Variants in NPFFR1 observed in about 807,000 individuals in gnomAD.
NPFFR1 encodes the protein G-protein coupled receptor 147.
A neutral mutation model predicts 12.7 loss-of-function variants in NPFFR1; 17 were observed. The ratio of observed to expected loss-of-function variants is 1.34; its 90% CI spans 0.92 to 2.01. The LOEUF is 2.01. Ranked by LOEUF, NPFFR1 falls within the 30% of genes most tolerant of loss-of-function variation. The pLI is 0.00. For missense variants in NPFFR1, 604 were observed against 606.5 expected, an observed-to-expected ratio of 1.00 and a Z score of 0.04; for synonymous variants, 296 against 264.5, an observed-to-expected ratio of 1.12 and a Z score of -1.16.
Position 70,272,241 on chromosome 10 carries a change from AAAG to A in NPFFR1, c.8-5853_8-5851del, listed in dbSNP as rs772694554. Among the ~76,000 whole-genome samples the A allele has an allele frequency of 4.1e-4, 57 of 139,704 alleles. 2 individuals are homozygous for A. Among genetic ancestry groups the A allele is most frequent in the East Asian group, 2.3e-3 (11 of 4,686 alleles). The allele number at this position is 139,704 out of a possible 152,430, so 91.7% of individuals were successfully genotyped here. A position where few individuals can be genotyped will look rare whatever the true frequency, so the allele number is the denominator to read the frequency against. On this transcript the variant is annotated intron_variant, in intron 1 of 3. Coordinates refer to ENST00000277942, the MANE Select transcript of NPFFR1 (RefSeq NM_022146.5). Reference sequence around the variant, plus strand: ...GAAAGAAAGAAAGAAAGAAAGAAAGAAAGAAGAAAGAAGAAAGAAAATAATAGA... The same window carrying A: ...GAAAGAAAGAAAGAAAGAAAGAAAGAAAGAAAGAAGAAAGAAAATAATAGA...
chr10:70,255,250 C>A lies in NPFFR1; in HGVS notation c.1000G>T (p.Glu334Ter). 6.4e-7 allele frequency: 1 copy of A among 1,564,426 alleles called. No individual in the cohort carries two copies. The highest frequency in any genetic ancestry group is 1.2e-5 in the South Asian group (1 of 85,952). Residue 334 changes from glutamate (E) to a stop codon, truncating the protein, a stop_gained, in exon 4 of 4, where the codon GAG becomes TAG. Coordinates refer to ENST00000277942, the MANE Select transcript of NPFFR1 (RefSeq NM_022146.5). LOFTEE classifies it low-confidence loss of function (END_TRUNC). The surrounding 1 kb of genome is among the most constrained non-coding windows in gnomAD (Gnocchi z 4.2). ...GCCTGGAAGCCGCGGCGGAAGTTCTCGTTGAAGTAGCCGTAGATGATGGGG... is the reference window on the plus strand; with the variant it reads ...GCCTGGAAGCCGCGGCGGAAGTTCTAGTTGAAGTAGCCGTAGATGATGGGG... ...ANPIIYGYFN[E>*]NFRRGFQAAF... is the part of the protein sequence containing the mutation.
At chr10:70,259,744 C>G (rs1400746824) in intron 3 of NPFFR1, among the ~76,000 whole-genome samples, 2 of 152,210 alleles carry the variant, frequency 1.3e-5, no homozygotes, top group African/African-American at 4.8e-5. Flanking sequence ...AAACAACATA[C>G]TATTAGCAAC....
Position 70,254,010 on chromosome 10 carries a change from C to G in NPFFR1, c.*947G>C, listed in dbSNP as rs1281156106. The G allele has an allele frequency of 6.6e-6, 1 of 152,216 alleles. No homozygotes were observed. Among genetic ancestry groups the G allele is most frequent in the African/African-American group, 2.4e-5 (1 of 41,444 alleles). The allele number at this position is 152,216 out of a possible 1,614,324, so 9.4% of individuals were successfully genotyped here. A position where few individuals can be genotyped will look rare whatever the true frequency, so the allele number is the denominator to read the frequency against. On this transcript the variant is annotated 3_prime_UTR_variant, in exon 4 of 4. Transcript: ENST00000277942. The stretch of plus-strand genomic sequence containing the variant: ...TGACCAACTTCTCCCTCCCAGGAAG[C>G]AGGGAGGAGAGAGACCTTGGGCAAG...
At chr10:70,283,349 C>G (rs996708332) in intron 1 of NPFFR1, among the ~76,000 whole-genome samples, 13 of 151,822 alleles carry the variant, frequency 8.6e-5, no homozygotes, top group South Asian at 2.1e-4. Flanking sequence ...CTCTGTCTCT[C>G]TCTCTCTCTC....
At position 70,250,520 on chromosome 10, in the gene NPFFR1, T is replaced by C. The variant is rs1046819022; in HGVS notation, c.*4437A>G. Reference sequence around the variant, plus strand: ...AAATGTCTATCAACTGATGAATGGATAAACAAAATGTGATCTATTCATACA... The same window carrying C: ...AAATGTCTATCAACTGATGAATGGACAAACAAAATGTGATCTATTCATACA... On this transcript the variant is annotated 3_prime_UTR_variant, in exon 4 of 4. Coordinates refer to ENST00000277942, the MANE Select transcript of NPFFR1 (RefSeq NM_022146.5). 6.6e-6 allele frequency: 1 copy of C among 152,206 alleles called. No homozygotes were observed. Among genetic ancestry groups the C allele is most frequent in the Non-Finnish European group, 1.5e-5 (1 of 68,044 alleles). The allele number at this position is 152,206 out of a possible 1,614,324, so 9.4% of individuals were successfully genotyped here. A position where few individuals can be genotyped will look rare whatever the true frequency, so the allele number is the denominator to read the frequency against.
At chr10:70,256,135 G>C (rs890956488) in intron 3 of NPFFR1, among the ~76,000 whole-genome samples, 3 of 149,976 alleles carry the variant, frequency 2.0e-5, no homozygotes, top group Non-Finnish European at 4.4e-5. Flanking sequence ...GTGCAGTGGC[G>C]CGATTACGGC....
chr10:70,267,107 T>C (rs1301540955), intron 1 of NPFFR1, among the ~76,000 whole-genome samples: 7 of 152,202 alleles, frequency 4.6e-5, no homozygotes, highest in Non-Finnish European at 8.8e-5. Flanking sequence ...GACCCAATTA[T>C]TATACCCTCA....
intron 1 of NPFFR1, among the ~76,000 whole-genome samples, chr10:70,279,498 C>T (rs903009096): frequency 2.6e-5 from 4 of 151,854 alleles, no homozygotes; most frequent in Non-Finnish European, 4.4e-5. Flanking sequence ...CTTGCTCTGT[C>T]GCCCAGGCCA....
At chr10:70,263,396 C>T (rs184991558) in intron 2 of NPFFR1, among the ~76,000 whole-genome samples, 2 of 152,268 alleles carry the variant, frequency 1.3e-5, no homozygotes, top group Non-Finnish European at 2.9e-5. Flanking sequence ...CCTCACCCTC[C>T]CGAGTAGCTG....
At chr10:70,260,392 T>A (rs1840619118) in intron 3 of NPFFR1, among the ~76,000 whole-genome samples, 4 of 152,062 alleles carry the variant, frequency 2.6e-5, no homozygotes, top group Admixed American at 2.6e-4. Context: ...GCCCCAGGAA[T>A]CCCAACAAAA....
intron 3 of NPFFR1, among the ~76,000 whole-genome samples, chr10:70,258,289 G>A (rs1348373974): frequency 6.8e-6 from 1 of 147,178 alleles, no homozygotes; most frequent in Admixed American, 6.9e-5. Flanking sequence ...AGGCAATAGA[G>A]CAAGACCTTG....
chr10:70,256,700 G>A (rs1840576457), intron 3 of NPFFR1, among the ~76,000 whole-genome samples: 1 of 152,184 alleles, frequency 6.6e-6, no homozygotes, highest in East Asian at 1.9e-4. Flanking sequence ...TTACTACACT[G>A]TTGATTTACA....
rs567173745 is a variant in NPFFR1 at position 70,283,818 on chromosome 10, C to G, written c.-142G>C. 1.4e-3 allele frequency: 1,303 copies of G among 908,972 alleles called. 4 individuals carry two copies. Among genetic ancestry groups the G allele is most frequent in the Middle Eastern group, 2.7e-3 (8 of 2,986 alleles). 56.3% of individuals were successfully genotyped at this position (908,972 alleles called of 1,614,324 possible). A position where few individuals can be genotyped will look rare whatever the true frequency, so the allele number is the denominator to read the frequency against. On this transcript the variant is annotated 5_prime_UTR_variant, in exon 1 of 4. Coordinates refer to ENST00000277942, the MANE Select transcript of NPFFR1 (RefSeq NM_022146.5). ...CCGCGCTCCGCAGGTCCGGTCGGTC[C>G]GGGCAGAGGTGAGCAGGGGGCGTGC...
At chr10:70,269,649 T>C (rs1267734576) in intron 1 of NPFFR1, among the ~76,000 whole-genome samples, 3 of 151,982 alleles carry the variant, frequency 2.0e-5, no homozygotes, top group Non-Finnish European at 4.4e-5. Context: ...GTAGCTGGGA[T>C]TACAGGTGCA....
rs758580231 is a variant in NPFFR1, at chr10:70,266,075, A to T, written c.322+2T>A. 9.4e-5 allele frequency: 152 copies of T among 1,613,086 alleles called. No homozygotes were observed. The highest frequency in any genetic ancestry group is 6.7e-4 in the Middle Eastern group (4 of 5,974). On this transcript the variant is annotated splice_donor_variant, in intron 2 of 3. Coordinates refer to ENST00000277942, the MANE Select transcript of NPFFR1 (RefSeq NM_022146.5). LOFTEE classifies it high-confidence loss of function. The stretch of plus-strand genomic sequence containing the variant: ...CTCCTGCTGCCAACTGCCCGCACTC[A>T]CCAGTGATGAGGTTGTCCACAAGGG...
intron 1 of NPFFR1, among the ~76,000 whole-genome samples, chr10:70,269,027 T>C (rs1840724725): frequency 6.6e-6 from 1 of 152,222 alleles, no homozygotes; most frequent in Admixed American, 6.5e-5. Context: ...CCTTCTGCAG[T>C]ATGTTTGTCA....
intron 1 of NPFFR1, among the ~76,000 whole-genome samples, chr10:70,281,560 C>T (rs1371606672): frequency 1.3e-5 from 2 of 152,186 alleles, no homozygotes; most frequent in Non-Finnish European, 2.9e-5. Flanking sequence ...ATGTTAGTGA[C>T]TACCTCTTTG....
rs1418098629 is a variant in NPFFR1, at chr10:70,251,699, C to A, written c.*3258G>T. 6.6e-6 allele frequency: 1 copy of A among 152,268 alleles called. No homozygotes were observed. The highest frequency in any genetic ancestry group is 6.5e-5 in the Admixed American group (1 of 15,284). 9.4% of individuals were successfully genotyped at this position (152,268 alleles called of 1,614,324 possible). On this transcript the variant is annotated 3_prime_UTR_variant, in exon 4 of 4. Transcript: ENST00000277942. ...CAGTCACCTTAGGAAACCCAGCCAA[C>A]CTGGAGGTGGAGGATGGCGTGTCAG...
intron 2 of NPFFR1, 72 bp downstream of exon 2, chr10:70,266,005 G>T: frequency 7.1e-7 from 1 of 1,417,818 alleles, no homozygotes; most frequent in Non-Finnish European, 9.8e-7. Context: ...TCTAAGCTTT[G>T]ATTTCCAGCC....
Sources: gnomAD v4.1 joint callset for allele counts (sites outside exome capture counted in the v4.1 genomes callset) on GRCh38, gnomAD v4.1.1 for gene constraint, Gnocchi (gnomAD v3.1) non-coding constraint, MANE v1.5 for transcripts, NCBI Gene and HGNC (gene_info 2026-07-23, HGNC 2026-07-21) for gene names.